NRXN3: variants seen among roughly 807,000 people sequenced by gnomAD.
NRXN3 encodes neurexin III.
A neutral mutation model predicts 137.6 loss-of-function variants in NRXN3; 32 were observed. That is an observed-to-expected ratio of 0.23 (90% confidence interval 0.18 to 0.31). The LOEUF is 0.31. Among genes scored for constraint, NRXN3 ranks in the 10% least tolerant of loss-of-function variants. The probability of loss-of-function intolerance (pLI) is 1.00; values close to 1 mark genes in which losing one functional copy is unlikely to be tolerated. For synonymous variants in NRXN3, 798 were observed against 784.5 expected, an observed-to-expected ratio of 1.02 and a Z score of -0.29; for missense variants, 1,574 against 2,062.5, an observed-to-expected ratio of 0.76 and a Z score of 4.59.
chr14:79,668,441 A>C (rs902190838), intron 17 of NRXN3, among the ~76,000 whole-genome samples: 2 of 152,136 alleles, frequency 1.3e-5, no homozygotes, highest in African/African-American at 4.8e-5. Context: ...CAAGGCTCTG[A>C]AAGGCTAAAT....
intron 4 of NRXN3, among the ~76,000 whole-genome samples, chr14:78,644,159 TA>T (rs1468187191): frequency 1.7e-5 from 2 of 117,834 alleles, no homozygotes; most frequent in African/African-American, 3.3e-5. Context: ...AAAAAGGAAA[TA>T]AAAAGAAGAA....
chr14:78,358,343 G>A (rs752896272), intron 4 of NRXN3, among the ~76,000 whole-genome samples: 1 of 152,082 alleles, frequency 6.6e-6, no homozygotes, highest in Non-Finnish European at 1.5e-5. Context: ...TTCCTGATAG[G>A]AAAGTGAGGC....
chr14:79,084,223 A>G (rs1257085014), intron 15 of NRXN3, among the ~76,000 whole-genome samples: 2 of 152,098 alleles, frequency 1.3e-5, no homozygotes, highest in African/African-American at 4.8e-5. Context: ...CAGCAAGGGA[A>G]AGTTTTGAGG....
intron 20 of NRXN3, among the ~76,000 whole-genome samples, chr14:79,855,581 C>T (rs2099400843): frequency 6.6e-6 from 1 of 151,918 alleles, no homozygotes; most frequent in African/African-American, 2.4e-5. Context: ...TTAAAAAATA[C>T]AAGCTATTTG....
At chr14:78,249,752 C>T (rs2068289631) in intron 2 of NRXN3, among the ~76,000 whole-genome samples, 1 of 152,100 alleles carries the variant, frequency 6.6e-6, no homozygotes, top group African/African-American at 2.4e-5. Flanking sequence ...TCATCTATTT[C>T]TCACAAAACT....
chr14:78,777,884 T>A (rs534642533), intron 8 of NRXN3, among the ~76,000 whole-genome samples: 1 of 152,232 alleles, frequency 6.6e-6, no homozygotes, highest in African/African-American at 2.4e-5. Flanking sequence ...CACCTTAGCA[T>A]CCCAAGTAAC....
chr14:79,230,982 A>G (rs990978406), intron 15 of NRXN3, among the ~76,000 whole-genome samples: 1 of 152,192 alleles, frequency 6.6e-6, no homozygotes, highest in Non-Finnish European at 1.5e-5. Context: ...AGCATCAGCT[A>G]TATTTATTTA....
At position 79,253,251 on chromosome 14, in the gene NRXN3, G is replaced by A. The variant is rs138203330; in HGVS notation, c.3263-213970G>A. ...TGGGAAAGGGCTCTGAAAGGATTGCGTTTTGACAGGAGGAAGGTGTTGAAC... is the reference window on the plus strand; with the variant it reads ...TGGGAAAGGGCTCTGAAAGGATTGCATTTTGACAGGAGGAAGGTGTTGAAC... On this transcript the variant is annotated intron_variant, in intron 15 of 20. Coordinates refer to ENST00000335750, the MANE Select transcript of NRXN3 (RefSeq NM_001330195.2). Among the ~76,000 whole-genome samples, 37 of 152,280 alleles carry A rather than the reference G, an allele frequency of 2.4e-4. No individual in the cohort carries two copies. In the South Asian group the frequency reaches 4.6e-3, roughly 19 times the overall value.
chr14:79,271,615 C>A (rs2079341219), intron 15 of NRXN3, among the ~76,000 whole-genome samples: 1 of 151,168 alleles, frequency 6.6e-6, no homozygotes, highest in Non-Finnish European at 1.5e-5. Flanking sequence ...CCGTGCCTTG[C>A]CTTTCTGTAT....
chr14:78,456,811 T>C (rs190105071), intron 4 of NRXN3, among the ~76,000 whole-genome samples: 4 of 115,160 alleles, frequency 3.5e-5, no homozygotes, highest in Non-Finnish European at 7.9e-5. Flanking sequence ...CTTTCTTTCT[T>C]TCTTTCTTTC....
At chr14:78,394,526 G>C (rs1287519428) in intron 4 of NRXN3, among the ~76,000 whole-genome samples, 2 of 151,718 alleles carry the variant, frequency 1.3e-5, no homozygotes, top group African/African-American at 4.8e-5. Flanking sequence ...ATATTGATGT[G>C]TAGTTTTCTT....
At chr14:78,642,864 C>A (rs1158044928) in intron 4 of NRXN3, among the ~76,000 whole-genome samples, 1 of 152,158 alleles carries the variant, frequency 6.6e-6, no homozygotes, top group Non-Finnish European at 1.5e-5. Flanking sequence ...TTTTGGGGGG[C>A]TATTTCTGCT....
intron 15 of NRXN3, among the ~76,000 whole-genome samples, chr14:79,147,406 G>A (rs1289710170): frequency 6.6e-6 from 1 of 152,156 alleles, no homozygotes; most frequent in East Asian, 1.9e-4. Flanking sequence ...GGAGGTGGAA[G>A]TAGCGCCTTG....
chr14:79,800,130 T>C (rs1568294782), intron 19 of NRXN3, among the ~76,000 whole-genome samples: 1 of 152,150 alleles, frequency 6.6e-6, no homozygotes, highest in Non-Finnish European at 1.5e-5. Flanking sequence ...CCATCATACG[T>C]CAGCACTTTA....
At chr14:78,662,745 C>G (rs189123413) in intron 6 of NRXN3, among the ~76,000 whole-genome samples, 1 of 152,344 alleles carries the variant, frequency 6.6e-6, no homozygotes, top group African/African-American at 2.4e-5. Context: ...CCTCATTAAT[C>G]TCCAAATCAG....
At chr14:79,026,509 A>G (rs939331713) in intron 15 of NRXN3, among the ~76,000 whole-genome samples, 1 of 152,076 alleles carries the variant, frequency 6.6e-6, no homozygotes, top group Non-Finnish European at 1.5e-5. Context: ...AATAAAACAA[A>G]CCAACAAACA....
intron 2 of NRXN3, among the ~76,000 whole-genome samples, chr14:78,267,546 A>G (rs1382080006): frequency 6.6e-6 from 1 of 152,176 alleles, no homozygotes; most frequent in South Asian, 2.1e-4. Flanking sequence ...ATAAAAAAAA[A>G]TGTTAGCCAG....
intron 4 of NRXN3, among the ~76,000 whole-genome samples, chr14:78,514,928 T>C (rs184979294): frequency 2.5e-3 from 379 of 152,228 alleles, no homozygotes; most frequent in African/African-American, 8.8e-3. Context: ...TGCAAAGCTC[T>C]AAGGTGGTAA....
At chr14:78,793,797 A>C (rs918491352) in intron 8 of NRXN3, among the ~76,000 whole-genome samples, 6 of 152,252 alleles carry the variant, frequency 3.9e-5, no homozygotes, top group African/African-American at 1.4e-4. Context: ...ATCTAGACCA[A>C]CTGGTACAGT....
Sources: allele counts gnomAD v4.1 joint callset (sites outside exome capture counted in the v4.1 genomes callset), GRCh38; gene constraint gnomAD v4.1.1; transcripts MANE v1.5; gene names NCBI Gene and HGNC (gene_info 2026-07-23, HGNC 2026-07-21).